The following PCNX1 variants were observed in gnomAD, a reference collection of about 807,000 sequenced individuals.
PCNX1 encodes the protein pecanex-like protein 1.
A neutral mutation model predicts 242.2 loss-of-function variants in PCNX1; 78 were observed. The ratio of observed to expected loss-of-function variants is 0.32; its 90% confidence interval spans 0.27 to 0.39. PCNX1 has a LOEUF of 0.39. Among genes scored for constraint, PCNX1 ranks in the 10% least tolerant of loss-of-function variants. The pLI, the probability that PCNX1 is intolerant of heterozygous loss-of-function variation, is 1.00. For synonymous variants in PCNX1, 1,024 were observed against 1,032.9 expected (o/e 0.99, Z 0.17); for missense variants, 2,581 against 2,856.5 (o/e 0.90, Z 2.20).
chr14:71,101,083 A>AAGGATATTCCT (rs1172515938), intron 30 of PCNX1, among the ~76,000 whole-genome samples: 12 of 152,302 alleles, frequency 7.9e-5, no homozygotes, highest in African/African-American at 2.9e-4. Flanking sequence ...CTCTATCCTT[A>AAGGATATTCCT]AGGATATTCC....
At chr14:70,920,085 A>G (rs574552761) in intron 1 of PCNX1, among the ~76,000 whole-genome samples, 35 of 152,242 alleles carry the variant, frequency 2.3e-4, no homozygotes, top group African/African-American at 8.4e-4. Context: ...TTGTCTAGAC[A>G]TATACTCAAC....
At chr14:70,916,583 G>A (rs28515158) in intron 1 of PCNX1, among the ~76,000 whole-genome samples, 248 of 152,168 alleles carry the variant, frequency 1.6e-3, no homozygotes, top group African/African-American at 5.7e-3. Flanking sequence ...TTAAGTGTGC[G>A]GTACCATTGT....
At chr14:70,956,425 A>G (rs2057996938) in intron 2 of PCNX1, among the ~76,000 whole-genome samples, 1 of 152,012 alleles carries the variant, frequency 6.6e-6, no homozygotes, top group Non-Finnish European at 1.5e-5. Flanking sequence ...GTGTGGTGGC[A>G]TGGGCATGTA....
At chr14:71,006,138 TG>T in intron 8 of PCNX1, among the ~76,000 whole-genome samples, 1 of 108,988 alleles carries the variant, frequency 9.2e-6, no homozygotes, top group Non-Finnish European at 1.8e-5. Flanking sequence ...TGTGTGTGTG[TG>T]TGTGTGTGTG....
intron 33 of PCNX1, 146 bp from the exon 34 acceptor site, chr14:71,108,456 CTT>C (rs1169108469): frequency 1.8e-6 from 1 of 555,460 alleles, no homozygotes; most frequent in Non-Finnish European, 3.1e-6. Flanking sequence ...ATTTCTTTTT[CTT>C]AACTTTAAAA....
chr14:70,960,745 T>C (rs906001147), intron 2 of PCNX1, among the ~76,000 whole-genome samples: 15 of 152,200 alleles, frequency 9.9e-5, no homozygotes, highest in African/African-American at 3.6e-4. Context: ...GCAGGTGATA[T>C]GATTGTATAT....
At chr14:70,995,313 T>G (rs1234375470) in intron 7 of PCNX1, among the ~76,000 whole-genome samples, 1 of 152,226 alleles carries the variant, frequency 6.6e-6, no homozygotes. Context: ...TCAGAATATT[T>G]GAAAGAACAA....
intron 1 of PCNX1, among the ~76,000 whole-genome samples, chr14:70,925,522 T>C (rs1291504951): frequency 6.6e-6 from 1 of 151,798 alleles, no homozygotes; most frequent in Non-Finnish European, 1.5e-5. Context: ...ATCAGACTAA[T>C]ATTTACCTCT....
intron 33 of PCNX1, among the ~76,000 whole-genome samples, chr14:71,107,116 C>T (rs1161829695): frequency 6.6e-6 from 1 of 152,158 alleles, no homozygotes; most frequent in African/African-American, 2.4e-5. Context: ...TCTCAACTGT[C>T]TCCATATGGC....
chr14:70,962,765 A>G lies in PCNX1; in HGVS notation c.468+434A>G, dbSNP rs2058262334. 2.6e-5 allele frequency among the ~76,000 whole-genome samples: 4 copies of G among 152,260 alleles called. No individual in the cohort carries two copies. In the South Asian group the frequency reaches 8.3e-4, roughly 31 times the overall value. On this transcript the variant is annotated intron_variant, in intron 3 of 35. Transcript: ENST00000304743. ...GTAAAATACAAATTTGCTTTTATCA[A>G]TTTTAATGTCTTTCTACTATGTAAC...
At chr14:71,031,028 C>T (rs1370450869) in intron 16 of PCNX1, among the ~76,000 whole-genome samples, 2 of 152,152 alleles carry the variant, frequency 1.3e-5, no homozygotes, top group Non-Finnish European at 2.9e-5. Flanking sequence ...TTTCTGCAAA[C>T]ATCACTGAAA....
At chr14:70,908,462 C>T (rs1260846293) in intron 1 of PCNX1, among the ~76,000 whole-genome samples, 1 of 152,150 alleles carries the variant, frequency 6.6e-6, no homozygotes, top group African/African-American at 2.4e-5. Context: ...CCGGGGCTCC[C>T]GGGAGAGGCC....
At chr14:71,031,107 A>G (rs1220355809) in intron 16 of PCNX1, among the ~76,000 whole-genome samples, 1 of 152,190 alleles carries the variant, frequency 6.6e-6, no homozygotes, top group Non-Finnish European at 1.5e-5. Flanking sequence ...AGCACACCCA[A>G]AATCACTGTG....
chr14:71,015,554 G>A (rs763841371), intron 11 of PCNX1, among the ~76,000 whole-genome samples: 1 of 152,144 alleles, frequency 6.6e-6, no homozygotes, highest in Admixed American at 6.5e-5. Flanking sequence ...CCAGCACTTT[G>A]GGAGGCAGAG....
intron 24 of PCNX1, chr14:71,053,194 G>A (rs1490082692): frequency 6.8e-6 from 3 of 442,928 alleles, no homozygotes; most frequent in Non-Finnish European, 1.3e-5. Flanking sequence ...GGACCAATTA[G>A]CCCAAAGTAA....
rs1008742579 is a variant in PCNX1, at chr14:70,948,746, TACATATATGTACATATAC to T, written c.362+1635_362+1652del. On this transcript the variant is annotated intron_variant, in intron 2 of 35. Coordinates refer to ENST00000304743, the MANE Select transcript of PCNX1 (RefSeq NM_014982.3). ...GTATATACATATATATGTGTATATGTACATATATGTACATATACACATATATGTATAGTGTATATATAC... is the reference window on the plus strand; with the variant it reads ...GTATATACATATATATGTGTATATGTACATATATGTATAGTGTATATATAC... Among the ~76,000 whole-genome samples, 5 of 148,940 alleles carry T rather than the reference TACATATATGTACATATAC, an allele frequency of 3.4e-5. No individual in the cohort carries two copies. In the East Asian group the frequency reaches 5.9e-4, roughly 18 times the overall value.
chr14:71,029,581 T>G (rs988488745), intron 16 of PCNX1, among the ~76,000 whole-genome samples: 1 of 152,246 alleles, frequency 6.6e-6, no homozygotes, highest in African/African-American at 2.4e-5. Context: ...ACGAAGGTTA[T>G]GAAAACAGTT....
At chr14:70,990,166 G>A (rs939679300) in intron 7 of PCNX1, among the ~76,000 whole-genome samples, 3 of 151,998 alleles carry the variant, frequency 2.0e-5, no homozygotes, top group Non-Finnish European at 4.4e-5. Flanking sequence ...TGTCTTTAAC[G>A]AGGCACCTCT....
rs1271234905 is a variant in PCNX1 at position 71,114,585 on chromosome 14, A to AACCTT, written c.*4653_*4657dup. 6.6e-6 allele frequency: 1 copy of AACCTT among 152,662 alleles called. No homozygotes were observed. The highest frequency in any genetic ancestry group is 1.9e-4 in the East Asian group (1 of 5,196). The allele number at this position is 152,662 out of a possible 1,614,324, so 9.5% of individuals were successfully genotyped here. A position where few individuals can be genotyped will look rare whatever the true frequency, so the allele number is the denominator to read the frequency against. Reference sequence around the variant, plus strand: ...TCATTATCTGCCATTTTGTGGAATCAACCTTACATTCTTTGGTGGAACTAG... The same window carrying AACCTT: ...TCATTATCTGCCATTTTGTGGAATCAACCTTACCTTACATTCTTTGGTGGAACTAG... On this transcript the variant is annotated 3_prime_UTR_variant, in exon 36 of 36. Coordinates refer to ENST00000304743, the MANE Select transcript of PCNX1 (RefSeq NM_014982.3).
Sources: allele counts gnomAD v4.1 joint callset (sites outside exome capture counted in the v4.1 genomes callset), GRCh38; gene constraint gnomAD v4.1.1; transcripts MANE v1.5; gene names NCBI Gene and HGNC (gene_info 2026-07-23, HGNC 2026-07-21).